TCEA1: variants seen among roughly 807,000 people sequenced by gnomAD.
TCEA1 encodes transcription elongation factor A1, also known as transcription elongation factor A protein 1.
Under a neutral mutation model 43.8 loss-of-function variants are expected in TCEA1, and 21 were observed. The observed-to-expected ratio is 0.48, with a 90% CI of 0.34 to 0.69. TCEA1 has a LOEUF of 0.69. Ranked by LOEUF, TCEA1 falls within the 30% of genes least tolerant of loss-of-function variation. TCEA1 has a pLI of 0.01. For synonymous variants in TCEA1, 104 were observed against 117.5 expected (o/e 0.88, Z 0.75); for missense variants, 250 against 365.1 (o/e 0.68, Z 2.57).
At chr8:54,007,181 C>T (rs1019707546) in intron 2 of TCEA1, among the ~76,000 whole-genome samples, 2 of 152,084 alleles carry the variant, frequency 1.3e-5, no homozygotes, top group African/African-American at 4.8e-5. Flanking sequence ...ACCATGGATC[C>T]TTCTAGCAGT....
At chr8:54,021,969 G>GGGGGA in intron 1 of TCEA1, 94 bp downstream of exon 1, 1 of 1,243,074 alleles carries the variant, frequency 8.0e-7, no homozygotes, top group African/African-American at 1.6e-5. Flanking sequence ...GGAGGCTGCA[G>GGGGGA]GGGGAGGGGA....
intron 9 of TCEA1, 157 bp downstream of exon 9, chr8:53,970,235 T>C: frequency 1.4e-6 from 1 of 699,150 alleles, no homozygotes; most frequent in Non-Finnish European, 2.6e-6. Flanking sequence ...GGTAACAAGA[T>C]GGTATATTCC....
At chr8:54,002,417 C>T (rs1432292220) in intron 2 of TCEA1, among the ~76,000 whole-genome samples, 3 of 150,044 alleles carry the variant, frequency 2.0e-5, no homozygotes, top group South Asian at 2.1e-4. Context: ...TGCAGTGAGC[C>T]GAGATTGCAC....
chr8:53,991,803 C>A (rs934477107), intron 4 of TCEA1, among the ~76,000 whole-genome samples: 35 of 151,534 alleles, frequency 2.3e-4, no homozygotes, highest in Non-Finnish European at 4.3e-4. Flanking sequence ...GAAAAAATTA[C>A]ATAAACTTTA....
intron 4 of TCEA1, among the ~76,000 whole-genome samples, chr8:53,989,324 T>A (rs748727857): frequency 3.9e-5 from 6 of 152,222 alleles, no homozygotes; most frequent in African/African-American, 1.4e-4. Context: ...ATAATCTTCA[T>A]GATTACAATT....
intron 8 of TCEA1, chr8:53,971,182 T>G (rs1336385547): frequency 1.3e-5 from 2 of 152,210 alleles, no homozygotes; most frequent in Non-Finnish European, 2.9e-5. Flanking sequence ...CCAGATGTGT[T>G]TGGTTTCTTC....
intron 1 of TCEA1, among the ~76,000 whole-genome samples, chr8:54,019,049 T>A (rs1804935508): frequency 6.6e-6 from 1 of 152,220 alleles, no homozygotes; most frequent in Non-Finnish European, 1.5e-5. Flanking sequence ...CTTGCAAAGT[T>A]GCCTGAGGAA....
At chr8:53,973,204 G>A (rs1247510692) in intron 8 of TCEA1, 2 of 477,644 alleles carry the variant, frequency 4.2e-6, no homozygotes, top group Non-Finnish European at 7.8e-6. Context: ...CTAAATATAG[G>A]CAACTTTTGC....
chr8:53,976,026 A>C (rs1354735743), intron 8 of TCEA1, among the ~76,000 whole-genome samples: 1 of 152,224 alleles, frequency 6.6e-6, no homozygotes, highest in African/African-American at 2.4e-5. Flanking sequence ...GAATTACCAG[A>C]ATCAAAGGTC....
chr8:54,010,573 C>G, intron 1 of TCEA1, 81 bp from the exon 2 acceptor site: 2 of 1,111,528 alleles, frequency 1.8e-6, no homozygotes, highest in Non-Finnish European at 2.6e-6. Context: ...ATGGGAGAAT[C>G]ACAGAAAACA....
chr8:53,985,909 G>A (rs1402328347), intron 6 of TCEA1, among the ~76,000 whole-genome samples: 1 of 152,004 alleles, frequency 6.6e-6, no homozygotes, highest in Non-Finnish European at 1.5e-5. Context: ...CAATCTACAA[G>A]GCAGAAAAAT....
chr8:53,992,555 G>A lies in TCEA1; in HGVS notation c.320+1113C>T, dbSNP rs190217767. On this transcript the variant is annotated intron_variant, in intron 4 of 9. Coordinates refer to ENST00000521604, the MANE Select transcript of TCEA1 (RefSeq NM_006756.4). ...GAACCTGGGAGGTGGAGGTTGCAGT[G>A]AGCCAAGATCGCACCACTGCACTCC... 4.1e-3 allele frequency among the ~76,000 whole-genome samples: 621 copies of A among 152,280 alleles called. 4 individuals are homozygous for A. The highest frequency in any genetic ancestry group is 0.014 in the African/African-American group (592 of 41,564).
intron 9 of TCEA1, 30 bp downstream of exon 9, chr8:53,970,362 T>C (rs761387186): frequency 2.0e-5 from 28 of 1,427,242 alleles, no homozygotes; most frequent in Non-Finnish European, 1.5e-5. Flanking sequence ...TTTAAGTGAG[T>C]ATATAATATG....
At chr8:53,993,533 T>C in intron 4 of TCEA1, 135 bp downstream of exon 4, 1 of 632,568 alleles carries the variant, frequency 1.6e-6, no homozygotes, top group Non-Finnish European at 2.7e-6. Flanking sequence ...AATACATGGC[T>C]ACATACATTT....
chr8:53,980,562 T>C (rs1428255148), intron 7 of TCEA1, among the ~76,000 whole-genome samples: 3 of 152,216 alleles, frequency 2.0e-5, no homozygotes, highest in Non-Finnish European at 4.4e-5. Flanking sequence ...TAATTTCTTA[T>C]GTTACTATCA....
chr8:54,002,555 G>A (rs1804306066), intron 2 of TCEA1, among the ~76,000 whole-genome samples: 1 of 148,702 alleles, frequency 6.7e-6, no homozygotes, highest in South Asian at 2.3e-4. Flanking sequence ...TTTCCTTTGG[G>A]GGTACCATGG....
chr8:54,007,823 G>A (rs1172750070), intron 2 of TCEA1, among the ~76,000 whole-genome samples: 1 of 152,160 alleles, frequency 6.6e-6, no homozygotes, highest in Non-Finnish European at 1.5e-5. Context: ...CGATATTCAT[G>A]TTATTGGCTA....
At chr8:54,020,917 T>C (rs931804787) in intron 1 of TCEA1, among the ~76,000 whole-genome samples, 47 of 152,156 alleles carry the variant, frequency 3.1e-4, no homozygotes, top group African/African-American at 1.1e-3. Flanking sequence ...CCAGGCGCAG[T>C]GGCCTCACGC....
intron 4 of TCEA1, 131 bp downstream of exon 4, chr8:53,993,537 T>C (rs997215943): frequency 3.0e-6 from 2 of 656,470 alleles, no homozygotes; most frequent in Non-Finnish European, 5.2e-6. Context: ...CATGGCTACA[T>C]ACATTTACTA....
Sources: gnomAD v4.1 joint callset for allele counts (sites outside exome capture counted in the v4.1 genomes callset) on GRCh38, gnomAD v4.1.1 for gene constraint, MANE v1.5 for transcripts, NCBI Gene and HGNC (gene_info 2026-07-23, HGNC 2026-07-21) for gene names.